Variants in CNTNAP2 observed in about 807,000 individuals in gnomAD.
The protein encoded by CNTNAP2 is contactin-associated protein-like 2.
CNTNAP2 carries 98 observed loss-of-function variants against 155.2 expected under a neutral mutation model. The ratio of observed to expected loss-of-function variants is 0.63; its 90% CI spans 0.54 to 0.75. CNTNAP2 has a LOEUF of 0.75. CNTNAP2 is among the 30% of genes least tolerant of loss of function. The pLI is 0.00. For synonymous variants in CNTNAP2, 651 were observed against 631.2 expected (o/e 1.03, Z -0.47); for missense variants, 1,727 against 1,688.1 (o/e 1.02, Z -0.40).
intron 1 of CNTNAP2, among the ~76,000 whole-genome samples, chr7:146,542,281 A>G (rs575218372): frequency 6.6e-6 from 1 of 152,098 alleles, no homozygotes; most frequent in African/African-American, 2.4e-5. Flanking sequence ...CTGAGATTTG[A>G]AACAGAAACC....
At chr7:147,227,704 G>T (rs1427218074) in intron 8 of CNTNAP2, among the ~76,000 whole-genome samples, 1 of 152,142 alleles carries the variant, frequency 6.6e-6, no homozygotes, top group Admixed American at 6.6e-5. Flanking sequence ...CTGCTTTTGG[G>T]TTCAGTATCA....
intron 1 of CNTNAP2, among the ~76,000 whole-genome samples, chr7:146,257,206 T>A (rs1030456574): frequency 7.2e-5 from 11 of 152,092 alleles, no homozygotes; most frequent in African/African-American, 2.7e-4. Flanking sequence ...TTCATGAATA[T>A]AAAGGGGGAG....
chr7:148,076,798 C>T (rs1045923009), intron 15 of CNTNAP2, among the ~76,000 whole-genome samples: 1 of 152,208 alleles, frequency 6.6e-6, no homozygotes, highest in Non-Finnish European at 1.5e-5. Flanking sequence ...TCCCCTCTTA[C>T]TTTCCACCAT....
At chr7:148,027,512 A>G (rs910054814) in intron 15 of CNTNAP2, among the ~76,000 whole-genome samples, 3 of 152,216 alleles carry the variant, frequency 2.0e-5, no homozygotes, top group Non-Finnish European at 4.4e-5. Context: ...CAACTGGAAG[A>G]GTTTATAGGA....
intron 8 of CNTNAP2, among the ~76,000 whole-genome samples, chr7:147,216,172 A>G (rs911499218): frequency 6.6e-6 from 1 of 151,760 alleles, no homozygotes; most frequent in Non-Finnish European, 1.5e-5. Context: ...GCAAAGCAGA[A>G]ATTTTTAGTT....
chr7:146,412,123 G>A (rs540266536), intron 1 of CNTNAP2, among the ~76,000 whole-genome samples: 2 of 152,102 alleles, frequency 1.3e-5, no homozygotes, highest in South Asian at 2.1e-4. Context: ...GTGAGCCACC[G>A]CGCCCGGCCA....
chr7:146,631,144 A>G (rs1799504031), intron 1 of CNTNAP2, among the ~76,000 whole-genome samples: 2 of 152,164 alleles, frequency 1.3e-5, no homozygotes, highest in Non-Finnish European at 2.9e-5. Flanking sequence ...GCATCATGCT[A>G]CCTGACTTCA....
chr7:146,477,566 T>C (rs1796896327), intron 1 of CNTNAP2, among the ~76,000 whole-genome samples: 1 of 147,792 alleles, frequency 6.8e-6, no homozygotes, highest in African/African-American at 2.5e-5. Flanking sequence ...ACTATTACTT[T>C]GTAGTTGAAC....
intron 21 of CNTNAP2, among the ~76,000 whole-genome samples, chr7:148,300,101 G>A (rs1797356023): frequency 6.6e-6 from 1 of 152,196 alleles, no homozygotes; most frequent in African/African-American, 2.4e-5. Context: ...AATGGAAAAG[G>A]GAAAGCTGCT....
chr7:148,097,340 TAAAA>T (rs754030091), intron 15 of CNTNAP2, among the ~76,000 whole-genome samples: 5,369 of 78,348 alleles, frequency 0.069, 363 homozygotes, highest in African/African-American at 0.24. Flanking sequence ...GTGTCATTTG[TAAAA>T]AAAAAAAAAA....
Position 148,147,659 on chromosome 7 carries a change from C to T in CNTNAP2, c.2723C>T (p.Ala908Val), listed in dbSNP as rs914981325. The T allele has an allele frequency of 3.7e-6, 6 of 1,613,914 alleles. No homozygotes were observed. The African/African-American group carries it at 6.7e-5, about 18-fold the overall frequency. The change falls in exon 17 of 24, where the codon GCC (alanine) becomes GTC (valine). Residue 908 changes from alanine to valine, a missense_variant. Ala to Val is a moderately conservative substitution (Grantham distance 64). Transcript: ENST00000361727. ...VDRLPQQIRK[A>V]PTEGHTRLEL... ...CGGCTACCGCAGCAGATCCGCAAGG[C>T]CCCAACAGAAGGCCACACCCGCCTG...
At chr7:147,325,174 C>T (rs545137491) in intron 9 of CNTNAP2, among the ~76,000 whole-genome samples, 1 of 152,130 alleles carries the variant, frequency 6.6e-6, no homozygotes, top group Non-Finnish European at 1.5e-5. Context: ...GTGGCACACG[C>T]CTGCAATCCC....
chr7:147,167,770 G>C (rs1207465241), intron 8 of CNTNAP2, among the ~76,000 whole-genome samples: 1 of 152,014 alleles, frequency 6.6e-6, no homozygotes, highest in Non-Finnish European at 1.5e-5. Context: ...TTCATTGTTT[G>C]GACCTGCATA....
intron 8 of CNTNAP2, among the ~76,000 whole-genome samples, chr7:147,274,724 G>A (rs889141966): frequency 2.6e-5 from 4 of 151,682 alleles, no homozygotes; most frequent in Admixed American, 2.0e-4. Context: ...TTTCTTTGAG[G>A]TTTTCATCAT....
At chr7:146,809,038 A>C (rs1189838661) in intron 2 of CNTNAP2, among the ~76,000 whole-genome samples, 1 of 152,200 alleles carries the variant, frequency 6.6e-6, no homozygotes, top group Non-Finnish European at 1.5e-5. Flanking sequence ...AAAAATGCAG[A>C]TATCCCTTCA....
At chr7:146,469,974 G>A (rs994559190) in intron 1 of CNTNAP2, among the ~76,000 whole-genome samples, 2 of 151,820 alleles carry the variant, frequency 1.3e-5, no homozygotes, top group Non-Finnish European at 2.9e-5. Flanking sequence ...CGAGTAGCTG[G>A]GACTACAGGT....
At chr7:146,984,080 T>A (rs911662141) in intron 3 of CNTNAP2, among the ~76,000 whole-genome samples, 2 of 152,024 alleles carry the variant, frequency 1.3e-5, no homozygotes, top group African/African-American at 4.8e-5. Flanking sequence ...TTGTTAAGAT[T>A]TATCTGGCCA....
At chr7:146,189,686 G>C (rs1314830770) in intron 1 of CNTNAP2, among the ~76,000 whole-genome samples, 1 of 152,170 alleles carries the variant, frequency 6.6e-6, no homozygotes, top group Non-Finnish European at 1.5e-5. Flanking sequence ...GAAGAGAAGA[G>C]ATAGGACCAT....
At chr7:146,140,040 C>T (rs1797855438) in intron 1 of CNTNAP2, among the ~76,000 whole-genome samples, 1 of 152,164 alleles carries the variant, frequency 6.6e-6, no homozygotes, top group African/African-American at 2.4e-5. Context: ...AGGAGTCTGA[C>T]TTGATCAAAT....
Sources: allele counts gnomAD v4.1 joint callset (sites outside exome capture counted in the v4.1 genomes callset), GRCh38; gene constraint gnomAD v4.1.1; transcripts MANE v1.5; gene names NCBI Gene and HGNC (gene_info 2026-07-23, HGNC 2026-07-21).